MEF2C: variants seen among roughly 807,000 people sequenced by gnomAD.
MEF2C encodes myocyte enhancer factor 2C.
MEF2C carries 6 observed loss-of-function variants against 50.5 expected under a neutral mutation model. The observed-to-expected ratio is 0.12, with a 90% CI of 0.07 to 0.23. The LOEUF (loss-of-function observed/expected upper bound fraction) is 0.23. MEF2C is among the 10% of genes least tolerant of loss of function. MEF2C has a pLI of 1.00. For missense variants in MEF2C, 276 were observed against 605.0 expected (o/e 0.46, Z 5.70); for synonymous variants, 183 against 228.0 (o/e 0.80, Z 1.78).
At chr5:88,758,851 C>T (rs1009867551) in intron 4 of MEF2C, among the ~76,000 whole-genome samples, 1 of 152,182 alleles carries the variant, frequency 6.6e-6, no homozygotes, top group Non-Finnish European at 1.5e-5. Context: ...TAAGAAATCA[C>T]GTATCTTGAT....
chr5:88,896,698 C>A (rs1156850106), intron 1 of MEF2C, among the ~76,000 whole-genome samples: 1 of 152,136 alleles, frequency 6.6e-6, no homozygotes, highest in Non-Finnish European at 1.5e-5. Flanking sequence ...AAATAAGATT[C>A]TAAGTAAAAG....
In MEF2C at chr5:88,759,652, A is replaced by G. The variant is rs149083231; in HGVS notation, c.402+1533T>C. Among the ~76,000 whole-genome samples the G allele has an allele frequency of 7.8e-4, 108 of 138,132 alleles. 1 individual carries two copies. In the East Asian group the frequency reaches 0.021, roughly 26 times the overall value. The allele number at this position is 138,132 out of a possible 152,430, so 90.6% of individuals were successfully genotyped here. Reference sequence around the variant, plus strand: ...AAATACTCCATTTCATAAAGTGCCCACTATGAATGTGTGCATATAATAGTT... The same window carrying G: ...AAATACTCCATTTCATAAAGTGCCCGCTATGAATGTGTGCATATAATAGTT... On this transcript the variant is annotated intron_variant, in intron 4 of 10. Coordinates refer to ENST00000504921, the MANE Select transcript of MEF2C (RefSeq NM_002397.5).
chr5:88,766,274 A>G (rs535137795), intron 3 of MEF2C, among the ~76,000 whole-genome samples: 1 of 152,310 alleles, frequency 6.6e-6, no homozygotes, highest in African/African-American at 2.4e-5. Flanking sequence ...AAGGAATATA[A>G]ATGAAAAAGA....
rs973269431 is a variant in MEF2C at position 88,720,746 on chromosome 5, C to T, written c.*1858G>A. 1 of 152,190 alleles carries T rather than the reference C, an allele frequency of 6.6e-6. No individual in the cohort carries two copies. Among genetic ancestry groups the T allele is most frequent in the Non-Finnish European group, 1.5e-5 (1 of 67,936 alleles). The allele number at this position is 152,190 out of a possible 1,614,324, so 9.4% of individuals were successfully genotyped here. On this transcript the variant is annotated 3_prime_UTR_variant, in exon 11 of 11. Transcript: ENST00000504921. Reference sequence around the variant, plus strand: ...TTATGGCACTCACTTATTAAAGGGTCTGAAAATTAATCCCTTATAGACGAA... The same window carrying T: ...TTATGGCACTCACTTATTAAAGGGTTTGAAAATTAATCCCTTATAGACGAA...
At chr5:88,764,496 C>T (rs1191485039) in intron 3 of MEF2C, among the ~76,000 whole-genome samples, 1 of 152,016 alleles carries the variant, frequency 6.6e-6, no homozygotes, top group Non-Finnish European at 1.5e-5. Context: ...ATAGTTAGGA[C>T]ACTGGACGCT....
chr5:88,798,254 C>G (rs984322131), intron 3 of MEF2C, among the ~76,000 whole-genome samples: 5 of 152,208 alleles, frequency 3.3e-5, no homozygotes, highest in African/African-American at 9.6e-5. Flanking sequence ...TTCCATTCTC[C>G]CCATCACTTT....
chr5:88,733,666 ATTCAT>A lies in MEF2C; in HGVS notation c.638-1770_638-1766del, dbSNP rs1011004296. 1.0e-5 allele frequency: 10 copies of A among 985,252 alleles called. No homozygotes were observed. In the African/African-American group the frequency reaches 1.7e-4, roughly 17 times the overall value. The allele number at this position is 985,252 out of a possible 1,614,324, so 61.0% of individuals were successfully genotyped here. A position where few individuals can be genotyped will look rare whatever the true frequency, so the allele number is the denominator to read the frequency against. Reference sequence around the variant, plus strand: ...AAAGCAGATTTGTTCTTCATATCCCATTCATTTACCTGTCTCATTTTATGCATGAA... The same window carrying A: ...AAAGCAGATTTGTTCTTCATATCCCATTACCTGTCTCATTTTATGCATGAA... On this transcript the variant is annotated intron_variant, in intron 6 of 10. Transcript: ENST00000504921.
At chr5:88,869,382 C>T (rs1181599646) in intron 1 of MEF2C, among the ~76,000 whole-genome samples, 1 of 145,750 alleles carries the variant, frequency 6.9e-6, no homozygotes, top group Non-Finnish European at 1.5e-5. Context: ...ATTTTTAGTG[C>T]ATGTGAACTA....
chr5:88,865,806 G>A (rs1344865957), intron 1 of MEF2C, among the ~76,000 whole-genome samples: 3 of 152,088 alleles, frequency 2.0e-5, no homozygotes, highest in South Asian at 2.1e-4. Flanking sequence ...AGTGGGCATC[G>A]TAAGTGACAG....
chr5:88,741,528 C>T (rs191038779), intron 6 of MEF2C: 220 of 985,316 alleles, frequency 2.2e-4, no homozygotes, highest in Non-Finnish European at 2.5e-4. Flanking sequence ...CATGGTTTTA[C>T]GGTTTTCACT....
intron 6 of MEF2C, chr5:88,732,905 C>T: frequency 5.3e-6 from 1 of 188,532 alleles, no homozygotes; most frequent in Non-Finnish European, 9.9e-6. Flanking sequence ...AGTTAAACCT[C>T]ATTGTTATTG....
At chr5:88,753,218 G>A (rs536157382) in intron 4 of MEF2C, among the ~76,000 whole-genome samples, 7 of 152,044 alleles carry the variant, frequency 4.6e-5, no homozygotes, top group Non-Finnish European at 8.8e-5. Context: ...TCTTGGTGAT[G>A]ATCACAATAC....
intron 1 of MEF2C, among the ~76,000 whole-genome samples, chr5:88,875,614 T>C (rs970669467): frequency 1.3e-5 from 2 of 152,114 alleles, no homozygotes; most frequent in South Asian, 4.1e-4. Context: ...AACTGCTATA[T>C]GGGAATAAAA....
At chr5:88,770,529 C>T (rs980908947) in intron 3 of MEF2C, among the ~76,000 whole-genome samples, 17 of 152,160 alleles carry the variant, frequency 1.1e-4, no homozygotes, top group Admixed American at 6.5e-5. Flanking sequence ...GGATTTCCCA[C>T]GATCTCTTCT....
intron 2 of MEF2C, among the ~76,000 whole-genome samples, chr5:88,814,397 A>G (rs1804351429): frequency 6.6e-6 from 1 of 152,026 alleles, no homozygotes; most frequent in Non-Finnish European, 1.5e-5. Flanking sequence ...TTTAAAGAGC[A>G]GCGAGGGACT....
At chr5:88,835,538 G>A (rs927176630) in intron 1 of MEF2C, among the ~76,000 whole-genome samples, 9 of 151,954 alleles carry the variant, frequency 5.9e-5, no homozygotes, top group African/African-American at 1.9e-4. Flanking sequence ...CAGGCCTGGC[G>A]CAGTGGCTCA....
chr5:88,769,846 A>G (rs1021682160), intron 3 of MEF2C: 2 of 483,304 alleles, frequency 4.1e-6, no homozygotes, highest in East Asian at 1.5e-4. Flanking sequence ...GGGTCTCACA[A>G]TGTTGTCCAG....
At chr5:88,754,370 T>C (rs893133130) in intron 4 of MEF2C, among the ~76,000 whole-genome samples, 1 of 152,208 alleles carries the variant, frequency 6.6e-6, no homozygotes. Context: ...AGCTTCTAGG[T>C]TGCAAGCCCT....
At chr5:88,733,151 T>C in intron 6 of MEF2C, 1 of 985,006 alleles carries the variant, frequency 1.0e-6, no homozygotes, top group Non-Finnish European at 1.2e-6. Flanking sequence ...GGTGATCCAA[T>C]AAAAGATTCA....
Sources: gnomAD v4.1 joint callset for allele counts (sites outside exome capture counted in the v4.1 genomes callset) on GRCh38, gnomAD v4.1.1 for gene constraint, MANE v1.5 for transcripts, NCBI Gene and HGNC (gene_info 2026-07-23, HGNC 2026-07-21) for gene names.